Variants in EFCAB5 observed in about 807,000 individuals in gnomAD.
EFCAB5 encodes the protein EF-hand calcium binding domain 5, also known as EF-hand calcium-binding domain-containing protein 5.
EFCAB5 carries 131 observed loss-of-function variants against 167.9 expected under a neutral mutation model. That is an observed-to-expected ratio of 0.78 (90% CI 0.68 to 0.90). The LOEUF (loss-of-function observed/expected upper bound fraction) is 0.90, where lower values mean the gene tolerates loss of function less well. Among genes scored for constraint, EFCAB5 ranks in the 40% least tolerant of loss-of-function variants. The pLI, the probability that EFCAB5 is intolerant of heterozygous loss-of-function variation, is 0.00. For synonymous variants in EFCAB5, 574 were observed against 602.8 expected (o/e 0.95, Z 0.70); for missense variants, 1,663 against 1,745.2 (o/e 0.95, Z 0.84).
chr17:29,981,166 A>G (rs1296856361), intron 4 of EFCAB5, among the ~76,000 whole-genome samples: 1 of 152,168 alleles, frequency 6.6e-6, no homozygotes, highest in Non-Finnish European at 1.5e-5. Context: ...TTGTTCCCCA[A>G]TGTGAACCCT....
intron 22 of EFCAB5, among the ~76,000 whole-genome samples, chr17:30,104,865 T>C (rs1317759567): frequency 6.6e-6 from 1 of 152,134 alleles, no homozygotes; most frequent in Non-Finnish European, 1.5e-5. Flanking sequence ...CAACAGGGTC[T>C]TGTGAAAGAC....
chr17:29,984,545 C>T (rs2068242457), intron 4 of EFCAB5, among the ~76,000 whole-genome samples: 1 of 152,036 alleles, frequency 6.6e-6, no homozygotes, highest in African/African-American at 2.4e-5. Context: ...TGGTGAAACT[C>T]TGTCTCTACT....
chr17:30,053,173 C>A (rs1450736135), intron 9 of EFCAB5, 82 bp from the exon 10 acceptor site: 2 of 1,463,674 alleles, frequency 1.4e-6, no homozygotes, highest in Admixed American at 4.5e-5. Context: ...GTGCTCAATG[C>A]TTTTCTTTGC....
rs1220750947 is a variant in EFCAB5, at chr17:30,068,549, T to C, written c.2737+8848T>C. On this transcript the variant is annotated intron_variant, in intron 14 of 22. Transcript: ENST00000394835. The stretch of plus-strand genomic sequence containing the variant: ...TGTTCATGGATTGGAAGAATTAATA[T>C]TGTGAAAATGACCATACTACCGCTG... 1.4e-5 allele frequency: 10 copies of C among 734,980 alleles called. No homozygotes were observed. In the East Asian group the frequency reaches 2.5e-4, roughly 18 times the overall value. The allele number at this position is 734,980 out of a possible 1,614,324, so 45.5% of individuals were successfully genotyped here. A position where few individuals can be genotyped will look rare whatever the true frequency, so the allele number is the denominator to read the frequency against.
intron 12 of EFCAB5, among the ~76,000 whole-genome samples, chr17:30,056,831 G>A (rs1458786232): frequency 2.0e-5 from 3 of 152,210 alleles, no homozygotes; most frequent in East Asian, 1.9e-4. Flanking sequence ...AAAATGCATG[G>A]CATTGGTCAA....
chr17:29,996,770 C>T (rs1014897019), intron 6 of EFCAB5, among the ~76,000 whole-genome samples: 12 of 152,110 alleles, frequency 7.9e-5, no homozygotes, highest in African/African-American at 2.9e-4. Context: ...AACACTGCCT[C>T]CGTAAATTCC....
chr17:30,089,772 G>A (rs1441496124), intron 19 of EFCAB5, among the ~76,000 whole-genome samples: 1 of 152,152 alleles, frequency 6.6e-6, no homozygotes, highest in Non-Finnish European at 1.5e-5. Context: ...CACACCCAGG[G>A]CAGCTTAGAG....
intron 8 of EFCAB5, among the ~76,000 whole-genome samples, chr17:30,043,799 C>T (rs923577412): frequency 6.6e-6 from 1 of 152,158 alleles, no homozygotes; most frequent in Non-Finnish European, 1.5e-5. Context: ...TATTGTTAGT[C>T]CCCAAATTGA....
chr17:29,941,744 A>G lies in EFCAB5; in HGVS notation c.-53A>G. The G allele has an allele frequency of 6.8e-7, 1 of 1,463,380 alleles. No homozygotes were observed. The highest frequency in any genetic ancestry group is 9.3e-7 in the Non-Finnish European group (1 of 1,071,272). 90.6% of individuals were successfully genotyped at this position (1,463,380 alleles called of 1,614,324 possible). ...TATTTTCTTTCTTTTTGTTATTAAT[A>G]CTGGTCTAGTAATATTCTTCTATAC... On this transcript the variant is annotated 5_prime_UTR_variant, in exon 1 of 23. It adds an upstream start codon to the 5' untranslated region. Coordinates refer to ENST00000394835, the MANE Select transcript of EFCAB5 (RefSeq NM_198529.4).
chr17:30,071,051 G>T (rs1336011938), intron 14 of EFCAB5, among the ~76,000 whole-genome samples: 1 of 149,970 alleles, frequency 6.7e-6, no homozygotes, highest in African/African-American at 2.5e-5. Flanking sequence ...AAACATGAGG[G>T]AAACACTTCA....
chr17:29,958,998 G>A (rs2067670111), intron 3 of EFCAB5, among the ~76,000 whole-genome samples: 1 of 152,096 alleles, frequency 6.6e-6, no homozygotes, highest in African/African-American at 2.4e-5. Context: ...CTGCCAAAAT[G>A]GAGTCTGTCT....
At chr17:30,086,092 C>T (rs971950283) in intron 18 of EFCAB5, among the ~76,000 whole-genome samples, 2 of 152,106 alleles carry the variant, frequency 1.3e-5, no homozygotes, top group Non-Finnish European at 2.9e-5. Context: ...AACTCCGAGA[C>T]TCAAGCGATC....
At chr17:29,972,132 G>T (rs531227177) in intron 4 of EFCAB5, among the ~76,000 whole-genome samples, 4 of 151,656 alleles carry the variant, frequency 2.6e-5, no homozygotes, top group African/African-American at 9.7e-5. Context: ...CTGCCTCCCG[G>T]GTTCACGCCA....
chr17:30,081,062 G>T, intron 17 of EFCAB5, 81 bp downstream of exon 17: 1 of 1,094,948 alleles, frequency 9.1e-7, no homozygotes, highest in Non-Finnish European at 1.3e-6. Context: ...CCTGAAATCC[G>T]ATGAGAGTAA....
intron 22 of EFCAB5, among the ~76,000 whole-genome samples, chr17:30,102,373 T>A (rs2071393498): frequency 1.3e-5 from 2 of 152,070 alleles, no homozygotes; most frequent in Admixed American, 1.3e-4. Context: ...TTTTATTAAT[T>A]AATTAATTAA....
chr17:29,945,333 G>A (rs566460430), intron 3 of EFCAB5, among the ~76,000 whole-genome samples: 1 of 150,732 alleles, frequency 6.6e-6, no homozygotes, highest in Non-Finnish European at 1.5e-5. Flanking sequence ...TTTCCCCAAA[G>A]TGTTCTTCTC....
intron 22 of EFCAB5, among the ~76,000 whole-genome samples, chr17:30,099,734 G>A (rs942620456): frequency 3.3e-5 from 5 of 152,154 alleles, no homozygotes; most frequent in Admixed American, 6.5e-5. Flanking sequence ...TGCTGAGGAG[G>A]TGGGTGGGGG....
intron 4 of EFCAB5, among the ~76,000 whole-genome samples, chr17:29,986,520 T>G (rs1228366808): frequency 1.3e-5 from 2 of 152,174 alleles, no homozygotes; most frequent in East Asian, 3.8e-4. Flanking sequence ...AGCACCTCTC[T>G]GCCTGTTCTG....
chr17:30,040,854 C>A lies in EFCAB5; in HGVS notation c.1200+6469C>A, dbSNP rs561666055. Among the ~76,000 whole-genome samples, 3 of 152,228 alleles carry A rather than the reference C, an allele frequency of 2.0e-5. No homozygotes were observed. The South Asian group carries it at 6.2e-4, about 31-fold the overall frequency. ...CATGTCTGGACAGGTCCAGGCAGGT[C>A]TTAGCTCATAGCTTATGCCCCTTCC... is the stretch of plus-strand genomic sequence containing the variant. On this transcript the variant is annotated intron_variant, in intron 8 of 22. Coordinates refer to ENST00000394835, the MANE Select transcript of EFCAB5 (RefSeq NM_198529.4).
Sources: gnomAD v4.1 joint callset for allele counts (sites outside exome capture counted in the v4.1 genomes callset) on GRCh38, gnomAD v4.1.1 for gene constraint, MANE v1.5 for transcripts, NCBI Gene and HGNC (gene_info 2026-07-23, HGNC 2026-07-21) for gene names.